Variants in GALNT15 observed in about 807,000 individuals in gnomAD.
GALNT15 encodes the protein polypeptide N-acetylgalactosaminyltransferase 15.
Under a neutral mutation model 66.8 loss-of-function variants are expected in GALNT15, and 67 were observed. The observed-to-expected ratio is 1.00, with a 90% CI of 0.82 to 1.23. The LOEUF (loss-of-function observed/expected upper bound fraction) is 1.23, where lower values mean the gene tolerates loss of function less well. Ranked by LOEUF, GALNT15 falls within the 50% of genes most tolerant of loss-of-function variation. The pLI, the probability that GALNT15 is intolerant of heterozygous loss-of-function variation, is 0.00. For missense variants in GALNT15, 827 were observed against 804.3 expected, an observed-to-expected ratio of 1.03 and a Z score of -0.34; for synonymous variants, 313 against 311.5, an observed-to-expected ratio of 1.00 and a Z score of -0.05.
chr3:16,191,339 C>T lies in GALNT15; in HGVS notation c.540-4421C>T. ...AGAGGTACCTCTTGTAGTAATGGGA[C>T]ATCTGTTAATAATGGCAGCAAACGC... On this transcript the variant is annotated intron_variant, in intron 1 of 9. Transcript: ENST00000339732. This position sits in a 1 kb window ranked among gnomAD's most constrained non-coding sequence, Gnocchi z 5.2. The T allele has an allele frequency of 1.0e-6, 1 of 985,046 alleles. No individual in the cohort carries two copies. The highest frequency in any genetic ancestry group is 1.2e-6 in the Non-Finnish European group (1 of 829,574). The allele number at this position is 985,046 out of a possible 1,614,324, so 61.0% of individuals were successfully genotyped here.
intron 6 of GALNT15, among the ~76,000 whole-genome samples, chr3:16,215,918 A>C (rs1169317355): frequency 6.6e-6 from 1 of 150,858 alleles, no homozygotes; most frequent in East Asian, 2.0e-4. Context: ...AAAAAAAAAA[A>C]AAAAAAAGAA....
At chr3:16,216,079 T>C (rs886806721) in intron 6 of GALNT15, among the ~76,000 whole-genome samples, 1 of 152,064 alleles carries the variant, frequency 6.6e-6, no homozygotes, top group Non-Finnish European at 1.5e-5. Flanking sequence ...TAAACATTTA[T>C]TGGTGGAATG....
downstream of GALNT15, among the ~76,000 whole-genome samples, chr3:16,231,284 T>G (rs906770816): frequency 1.3e-5 from 2 of 152,174 alleles, no homozygotes; most frequent in Non-Finnish European, 2.9e-5. This position sits in a 1 kb window ranked among gnomAD's most constrained non-coding sequence, Gnocchi z 4.1. Context: ...GTAACAAACC[T>G]GCACGTTCTG....
At chr3:16,232,451 A>AAAATAAATAAATAAATAAATAAAT (rs1194898714), downstream of GALNT15, among the ~76,000 whole-genome samples, 4 of 67,728 alleles carry the variant, frequency 5.9e-5, no homozygotes, top group African/African-American at 2.1e-4. Flanking sequence ...GCCTGGCCTC[A>AAAATAAATAAATAAATAAATAAAT]AAATAAATAA....
chr3:16,201,037 A>G lies in GALNT15; in HGVS notation c.911+214A>G, dbSNP rs549889710. Among the ~76,000 whole-genome samples, 9 of 152,326 alleles carry G rather than the reference A, an allele frequency of 5.9e-5. No homozygotes were observed. In the South Asian group the frequency reaches 6.2e-4, roughly 11 times the overall value. On this transcript the variant is annotated intron_variant, in intron 3 of 9. Coordinates refer to ENST00000339732, the MANE Select transcript of GALNT15 (RefSeq NM_054110.5). The stretch of plus-strand genomic sequence containing the variant: ...GGTCTTCATCTACCTTGCTTTATAG[A>G]TAAAGAAACCGAGGCCTGGAGAACA...
chr3:16,201,528 A>G (rs984833117), intron 3 of GALNT15, among the ~76,000 whole-genome samples: 1 of 152,104 alleles, frequency 6.6e-6, no homozygotes, highest in Non-Finnish European at 1.5e-5. Flanking sequence ...CTGGGGAAAA[A>G]GTCTCTGAAC....
In GALNT15 at chr3:16,181,711, G is replaced by A. The variant is rs771246259; in HGVS notation, c.539+6021G>A. ...AGAGCAGACATGCCCTTCGGGATGAGGGACAAGAACAGGAACAAGCTGGGC... is the reference window on the plus strand; with the variant it reads ...AGAGCAGACATGCCCTTCGGGATGAAGGACAAGAACAGGAACAAGCTGGGC... On this transcript the variant is annotated intron_variant, in intron 1 of 9. Transcript: ENST00000339732. The surrounding 1 kb of genome is among the most constrained non-coding windows in gnomAD (Gnocchi z 5.9). Among the ~76,000 whole-genome samples the A allele has an allele frequency of 6.6e-6, 1 of 152,166 alleles. No individual in the cohort carries two copies. The highest frequency in any genetic ancestry group is 1.5e-5 in the Non-Finnish European group (1 of 68,032).
intron 3 of GALNT15, among the ~76,000 whole-genome samples, chr3:16,202,225 T>C (rs772618458): frequency 5.3e-5 from 8 of 152,198 alleles, no homozygotes; most frequent in Non-Finnish European, 7.3e-5. Flanking sequence ...TCAAGTGAGA[T>C]CAAGACAGAT....
In GALNT15 at chr3:16,228,266, G is replaced by C. The variant is rs530548733; in HGVS notation, c.*766G>C. 130 of 985,640 alleles carry C rather than the reference G, an allele frequency of 1.3e-4. No homozygotes were observed. The highest frequency in any genetic ancestry group is 1.5e-4 in the Non-Finnish European group (128 of 829,936). The allele number at this position is 985,640 out of a possible 1,614,324, so 61.1% of individuals were successfully genotyped here. A position where few individuals can be genotyped will look rare whatever the true frequency, so the allele number is the denominator to read the frequency against. On this transcript the variant is annotated 3_prime_UTR_variant, in exon 10 of 10. Transcript: ENST00000339732. ...ACCATAACCATAACCAGATTCCCTT[G>C]CAATCGATTTCTCTTTAGTCGTTGG...
In GALNT15 at chr3:16,175,980, A is replaced by G. The variant is rs2063405902; in HGVS notation, c.539+290A>G. On this transcript the variant is annotated intron_variant, in intron 1 of 9. Coordinates refer to ENST00000339732, the MANE Select transcript of GALNT15 (RefSeq NM_054110.5). This position sits in a 1 kb window ranked among gnomAD's most constrained non-coding sequence, Gnocchi z 5.6. ...AGAATCATTGTCCTAGAAAGCAGAA[A>G]GTGAGGACTCTTGCTTGTTCATTCT... is the stretch of plus-strand genomic sequence containing the variant. Among the ~76,000 whole-genome samples the G allele has an allele frequency of 6.6e-6, 1 of 152,198 alleles. No homozygotes were observed. Among genetic ancestry groups the G allele is most frequent in the African/African-American group, 2.4e-5 (1 of 41,456 alleles).
chr3:16,194,528 C>T lies in GALNT15; in HGVS notation c.540-1232C>T, dbSNP rs77135537. Reference sequence around the variant, plus strand: ...ATTTCTTTTGCTGTGCAGAAGTGCACATGTATGTTTGTTGCAGCACTATTC... The same window carrying T: ...ATTTCTTTTGCTGTGCAGAAGTGCATATGTATGTTTGTTGCAGCACTATTC... On this transcript the variant is annotated intron_variant, in intron 1 of 9. Coordinates refer to ENST00000339732, the MANE Select transcript of GALNT15 (RefSeq NM_054110.5). Among the ~76,000 whole-genome samples the T allele has an allele frequency of 1.2e-3, 188 of 152,282 alleles. 1 individual carries two copies. Among genetic ancestry groups the T allele is most frequent in the African/African-American group, 4.4e-3 (184 of 41,548 alleles).
chr3:16,208,657 A>G lies in GALNT15; in HGVS notation c.1066A>G (p.Ile356Val). The change falls in exon 4 of 10, where the codon ATA (isoleucine) becomes GTA (valine). Residue 356 changes from isoleucine (I) to valine (V), a missense_variant. Ile to Val is a conservative substitution (Grantham distance 29, BLOSUM62 3). Coordinates refer to ENST00000339732, the MANE Select transcript of GALNT15 (RefSeq NM_054110.5). ...TGTGAGGAAGGCCCTCCAGTCCCCC[A>G]TAAGCCCCATCAGGTGAGTCCCCAT... Reference protein sequence around the residue: ...EHVRKALQSPISPIRSPVVPG... With the variant: ...EHVRKALQSPVSPIRSPVVPG... 6.2e-7 allele frequency: 1 copy of G among 1,613,926 alleles called. No individual in the cohort carries two copies. Among genetic ancestry groups the G allele is most frequent in the Non-Finnish European group, 8.5e-7 (1 of 1,179,956 alleles).
rs2063403774 is a variant in GALNT15 at position 16,175,835 on chromosome 3, A to G, written c.539+145A>G. ...ATGCAGTACCTGGGCCAGCAGCGTC[A>G]GCAGCCCCTGGGCACTGGTGGGTTC... On this transcript the variant is annotated intron_variant, in intron 1 of 9. Transcript: ENST00000339732. The surrounding 1 kb of genome is among the most constrained non-coding windows in gnomAD (Gnocchi z 5.6). 2.8e-6 allele frequency: 2 copies of G among 721,228 alleles called. No homozygotes were observed. Among genetic ancestry groups the G allele is most frequent in the Admixed American group, 5.9e-5 (2 of 33,924 alleles). 44.7% of individuals were successfully genotyped at this position (721,228 alleles called of 1,614,324 possible).
chr3:16,221,560 C>T (rs942314688), intron 8 of GALNT15, among the ~76,000 whole-genome samples: 1 of 150,724 alleles, frequency 6.6e-6, no homozygotes, highest in Non-Finnish European at 1.5e-5. Flanking sequence ...GGATAAGTGA[C>T]GAGAGCCCAC....
rs6804047 is a variant in GALNT15, at chr3:16,203,890, C to T, written c.911+3067C>T. On this transcript the variant is annotated intron_variant, in intron 3 of 9. Transcript: ENST00000339732. This position sits in a 1 kb window ranked among gnomAD's most constrained non-coding sequence, Gnocchi z 6.2. Reference sequence around the variant, plus strand: ...TTTACTCCCCCAGGGACGTCGCCCACGTGCCTCATACAAAGCCAAGCTGTG... The same window carrying T: ...TTTACTCCCCCAGGGACGTCGCCCATGTGCCTCATACAAAGCCAAGCTGTG... 0.16 allele frequency among the ~76,000 whole-genome samples: 24,801 copies of T among 152,004 alleles called. 2,180 individuals are homozygous for T. The highest frequency in any genetic ancestry group is 0.29 in the South Asian group (1,374 of 4,800).
intron 6 of GALNT15, among the ~76,000 whole-genome samples, chr3:16,215,906 C>CAAAAAAAAAAAACAAAAAAAAAAAA (rs1559690416): frequency 5.8e-5 from 6 of 102,630 alleles, no homozygotes; most frequent in South Asian, 3.6e-4. Context: ...GAGACTCCGC[C>CAAAAAAAAAAAACAAAAAAAAAAAA]AAAAAAAAAA....
At position 16,211,717 on chromosome 3, in the gene GALNT15, A is replaced by G. The variant is rs1007085801; in HGVS notation, c.1197+476A>G. 4.6e-5 allele frequency among the ~76,000 whole-genome samples: 7 copies of G among 152,182 alleles called. No homozygotes were observed. Among genetic ancestry groups the G allele is most frequent in the African/African-American group, 9.7e-5 (4 of 41,432 alleles). ...GAGTCACCCTCATTTCCTGTCCCAC[A>G]TTGCTTTTCTAGCATGATACTTGCT... On this transcript the variant is annotated intron_variant, in intron 5 of 9. Transcript: ENST00000339732. This position sits in a 1 kb window ranked among gnomAD's most constrained non-coding sequence, Gnocchi z 4.3.
At chr3:16,216,104 C>CA (rs1476338500) in intron 6 of GALNT15, among the ~76,000 whole-genome samples, 8 of 151,858 alleles carry the variant, frequency 5.3e-5, no homozygotes, top group Admixed American at 2.6e-4. Context: ...GGATGGATGG[C>CA]AAAAAAATTT....
downstream of GALNT15, among the ~76,000 whole-genome samples, chr3:16,234,323 C>CT (rs1004382437): frequency 2.4e-4 from 36 of 147,390 alleles, no homozygotes; most frequent in South Asian, 6.4e-4. Flanking sequence ...ACCTGGGTTT[C>CT]TTTTTTTTTT....
Sources: allele counts gnomAD v4.1 joint callset (sites outside exome capture counted in the v4.1 genomes callset), GRCh38; gene constraint gnomAD v4.1.1; non-coding constraint Gnocchi (gnomAD v3.1); transcripts MANE v1.5; gene names NCBI Gene and HGNC (gene_info 2026-07-23, HGNC 2026-07-21).